The following CECR2 variants were observed in gnomAD, a reference collection of about 807,000 sequenced individuals.
CECR2 encodes CECR2 histone acetyl-lysine reader.
Under a neutral mutation model 154.5 loss-of-function variants are expected in CECR2, and 30 were observed. The observed-to-expected ratio is 0.19, with a 90% CI of 0.15 to 0.26. CECR2 has a LOEUF of 0.26. CECR2 is among the 10% of genes least tolerant of loss of function. The pLI, the probability that CECR2 is intolerant of heterozygous loss-of-function variation, is 1.00. For missense variants in CECR2, 1,743 were observed against 1,829.3 expected, an observed-to-expected ratio of 0.95 and a Z score of 0.86; for synonymous variants, 725 against 683.7, an observed-to-expected ratio of 1.06 and a Z score of -0.94.
At chr22:17,470,998 G>A (rs1161754546) in intron 1 of CECR2, among the ~76,000 whole-genome samples, 1 of 152,188 alleles carries the variant, frequency 6.6e-6, no homozygotes, top group Non-Finnish European at 1.5e-5. Context: ...GAGGCCTGGA[G>A]CTGTATTCCA....
intron 1 of CECR2, among the ~76,000 whole-genome samples, chr22:17,387,355 T>G (rs1420193087): frequency 6.6e-6 from 1 of 152,206 alleles, no homozygotes; most frequent in Non-Finnish European, 1.5e-5. Context: ...CAATGAAATT[T>G]CCATTCTTGG....
At chr22:17,514,622 T>A (rs1353480248) in intron 8 of CECR2, among the ~76,000 whole-genome samples, 1 of 152,228 alleles carries the variant, frequency 6.6e-6, no homozygotes, top group Admixed American at 6.5e-5. Context: ...TTGGTTGTAC[T>A]GGTTCTTTAA....
intron 3 of CECR2, 78 bp from the exon 4 acceptor site, chr22:17,499,332 T>C (rs1601464209): frequency 6.6e-7 from 1 of 1,526,260 alleles, no homozygotes; most frequent in East Asian, 2.3e-5. Flanking sequence ...ACGTGTAAAT[T>C]TGGAATCCTC....
At chr22:17,368,619 C>T (rs1430328492), upstream of CECR2, among the ~76,000 whole-genome samples, 1 of 152,176 alleles carries the variant, frequency 6.6e-6, no homozygotes, top group Non-Finnish European at 1.5e-5. Context: ...GTGGGGGTCT[C>T]CTCCCCTCCG....
intron 8 of CECR2, chr22:17,518,654 T>C (rs1248305665): frequency 2.3e-6 from 1 of 443,152 alleles, no homozygotes; most frequent in Non-Finnish European, 4.6e-6. Flanking sequence ...AGATTGAATT[T>C]GCTGAACCAT....
chr22:17,383,993 T>G (rs2063231169), intron 1 of CECR2, among the ~76,000 whole-genome samples: 1 of 152,098 alleles, frequency 6.6e-6, no homozygotes. Flanking sequence ...TCTAATTCTA[T>G]TTCTTTTGCT....
chr22:17,511,974 C>G, intron 8 of CECR2, 78 bp downstream of exon 8: 1 of 1,093,342 alleles, frequency 9.1e-7, no homozygotes, highest in Non-Finnish European at 1.3e-6. Flanking sequence ...TCCATTCCTG[C>G]CTTTTTATTT....
chr22:17,514,544 C>T (rs1450350593), intron 8 of CECR2, among the ~76,000 whole-genome samples: 1 of 152,180 alleles, frequency 6.6e-6, no homozygotes, highest in Non-Finnish European at 1.5e-5. Flanking sequence ...AAAAAAATTG[C>T]AGCCTAAGAC....
intron 1 of CECR2, among the ~76,000 whole-genome samples, chr22:17,387,765 T>C (rs1303514763): frequency 2.0e-5 from 3 of 152,214 alleles, no homozygotes; most frequent in African/African-American, 7.2e-5. Context: ...AGCTGCAGAA[T>C]ACTCATCGGG....
At chr22:17,457,844 C>G (rs1044824721) in intron 1 of CECR2, among the ~76,000 whole-genome samples, 9 of 152,172 alleles carry the variant, frequency 5.9e-5, no homozygotes, top group Non-Finnish European at 1.0e-4. Context: ...AGTATTGATT[C>G]ATGCAAAAAC....
Position 17,542,388 on chromosome 22 carries a change from C to A in CECR2, c.2245C>A (p.Pro749Thr). Residue 749 changes from proline (P) to threonine (T), a missense_variant, in exon 16 of 19, where the codon CCT (proline) becomes ACT (threonine). By Grantham distance (38) the Pro-to-Thr change is conservative. Around this residue, in one of 4 missense-constraint regions of CECR2, gnomAD observed 1,250 missense variants for 1,192.1 expected, o/e 1.05. Coordinates refer to ENST00000262608, the MANE Select transcript of CECR2 (RefSeq NM_001290047.2). Reference sequence around the variant, plus strand: ...GGCTCCAGCCCGGCCACCAGACTTTCCTGAAAGCTCAGAAATTCCTCCCAG... The same window carrying A: ...GGCTCCAGCCCGGCCACCAGACTTTACTGAAAGCTCAGAAATTCCTCCCAG... ...GGAPARPPDFPESSEIPPSHM... is the reference protein window; with the variant it reads ...GGAPARPPDFTESSEIPPSHM... 1.2e-6 allele frequency: 2 copies of A among 1,613,770 alleles called. No individual in the cohort carries two copies. Among genetic ancestry groups the A allele is most frequent in the Non-Finnish European group, 8.5e-7 (1 of 1,179,874 alleles).
At chr22:17,533,259 G>T (rs1007159041) in intron 9 of CECR2, among the ~76,000 whole-genome samples, 1 of 150,434 alleles carries the variant, frequency 6.6e-6, no homozygotes, top group African/African-American at 2.5e-5. Flanking sequence ...GGCAGAGGTT[G>T]CAGTGTGTTA....
At chr22:17,523,139 G>T (rs916005570) in intron 8 of CECR2, among the ~76,000 whole-genome samples, 1 of 151,926 alleles carries the variant, frequency 6.6e-6, no homozygotes, top group Non-Finnish European at 1.5e-5. Context: ...GGAGTATTAC[G>T]CCTGTAATCT....
At chr22:17,477,261 T>C (rs2146792432) in intron 1 of CECR2, 1 of 635,768 alleles carries the variant, frequency 1.6e-6, no homozygotes, top group East Asian at 2.7e-5. Context: ...TTATACTCGA[T>C]TATATATAAT....
chr22:17,396,412 G>C (rs2053812455), intron 1 of CECR2, among the ~76,000 whole-genome samples: 2 of 152,316 alleles, frequency 1.3e-5, no homozygotes, highest in South Asian at 4.2e-4. Flanking sequence ...TGGGTGTGGT[G>C]GTGGGTGCCT....
intron 1 of CECR2, among the ~76,000 whole-genome samples, chr22:17,379,109 A>G (rs182591544): frequency 2.5e-4 from 38 of 152,088 alleles, no homozygotes; most frequent in Non-Finnish European, 5.3e-4. Flanking sequence ...GGCGTGTGCC[A>G]CCACACCCGG....
chr22:17,423,979 C>T (rs1216170452), intron 1 of CECR2, among the ~76,000 whole-genome samples: 1 of 152,166 alleles, frequency 6.6e-6, no homozygotes, highest in Non-Finnish European at 1.5e-5. Context: ...CCTTTTCCAC[C>T]TTAATATTTT....
chr22:17,511,390 T>C (rs953987361), intron 7 of CECR2, among the ~76,000 whole-genome samples: 2 of 152,162 alleles, frequency 1.3e-5, no homozygotes, highest in Non-Finnish European at 2.9e-5. Flanking sequence ...CTCTCACTTC[T>C]CACTGCTGCC....
chr22:17,485,973 TTTTG>T, intron 2 of CECR2, among the ~76,000 whole-genome samples: 1 of 152,052 alleles, frequency 6.6e-6, no homozygotes, highest in East Asian at 1.9e-4. Flanking sequence ...AAAACGTGGG[TTTTG>T]TTTGTTCTGT....
Sources: allele counts gnomAD v4.1 joint callset (sites outside exome capture counted in the v4.1 genomes callset), GRCh38; gene constraint gnomAD v4.1.1; regional missense constraint gnomAD v4.1.1; transcripts MANE v1.5; gene names NCBI Gene and HGNC (gene_info 2026-07-23, HGNC 2026-07-21).